GALNT16: variants seen among roughly 807,000 people sequenced by gnomAD.
GALNT16 encodes polypeptide N-acetylgalactosaminyltransferase 16.
A neutral mutation model predicts 76.1 loss-of-function variants in GALNT16; 40 were observed. The ratio of observed to expected loss-of-function variants is 0.53; its 90% CI spans 0.41 to 0.68. The LOEUF is 0.68. GALNT16 is among the 30% of genes least tolerant of loss of function. The pLI is 0.00. For missense variants in GALNT16, 621 were observed against 731.9 expected, an observed-to-expected ratio of 0.85 and a Z score of 1.75; for synonymous variants, 276 against 285.2, an observed-to-expected ratio of 0.97 and a Z score of 0.32.
downstream of GALNT16, chr14:69,358,655 C>G (rs1334840251): frequency 1.3e-5 from 2 of 152,540 alleles, no homozygotes; most frequent in African/African-American, 4.8e-5. Context: ...GCTTAGAGCT[C>G]CGGGGGGTTC....
chr14:69,313,582 T>C (rs1445557370), intron 1 of GALNT16, among the ~76,000 whole-genome samples: 1 of 99,604 alleles, frequency 1.0e-5, no homozygotes, highest in Non-Finnish European at 2.8e-5. Context: ...ACAGGAACTC[T>C]TTCTCAGTGA....
intron 1 of GALNT16, among the ~76,000 whole-genome samples, chr14:69,266,830 G>C (rs1005420533): frequency 6.6e-6 from 1 of 152,210 alleles, no homozygotes; most frequent in Non-Finnish European, 1.5e-5. Flanking sequence ...ACAGGGTAAC[G>C]ACCAGAAATC....
chr14:69,259,747 G>T (rs936010085), upstream of GALNT16: 8 of 153,630 alleles, frequency 5.2e-5, no homozygotes, highest in African/African-American at 1.7e-4. Flanking sequence ...GCGGGCCCAG[G>T]TCGGGGGTCG....
intron 5 of GALNT16, among the ~76,000 whole-genome samples, chr14:69,326,776 C>T (rs1444593251): frequency 6.6e-6 from 1 of 152,206 alleles, no homozygotes; most frequent in Non-Finnish European, 1.5e-5. Context: ...ACTTTCAGTC[C>T]TTGTACTCAG....
chr14:69,285,022 T>C (rs2044591514), intron 1 of GALNT16, among the ~76,000 whole-genome samples: 1 of 149,410 alleles, frequency 6.7e-6, no homozygotes, highest in Admixed American at 6.8e-5. Flanking sequence ...CTTTATATGT[T>C]ACCCAGTCTC....
the GALNT16 span, among the ~76,000 whole-genome samples, chr14:69,367,138 A>G: frequency 6.6e-6 from 1 of 152,020 alleles, no homozygotes; most frequent in Non-Finnish European, 1.5e-5. Context: ...GGGAACAGGG[A>G]GGCGGATTTT....
chr14:69,294,615 C>A (rs1442020103), intron 1 of GALNT16, among the ~76,000 whole-genome samples: 2 of 152,158 alleles, frequency 1.3e-5, no homozygotes, highest in African/African-American at 4.8e-5. Flanking sequence ...CCCTTCCCAC[C>A]CCCAGCCCTA....
chr14:69,296,996 A>G (rs118036475), intron 1 of GALNT16, among the ~76,000 whole-genome samples: 2,693 of 152,248 alleles, frequency 0.018, 34 homozygotes, highest in Non-Finnish European at 0.031. Flanking sequence ...ACAGCTACAT[A>G]TTATTTCGTT....
chr14:69,290,753 A>C (rs1450008321), intron 1 of GALNT16, among the ~76,000 whole-genome samples: 1 of 152,216 alleles, frequency 6.6e-6, no homozygotes, highest in East Asian at 1.9e-4. Flanking sequence ...GAAAATTACC[A>C]GCCCTCGAAA....
the GALNT16 span, among the ~76,000 whole-genome samples, chr14:69,372,276 C>T: frequency 6.6e-6 from 1 of 152,032 alleles, no homozygotes; most frequent in African/African-American, 2.4e-5. Flanking sequence ...CTGAGTGATC[C>T]ATCCACAGGC....
intron 1 of GALNT16, among the ~76,000 whole-genome samples, chr14:69,279,812 T>C (rs1386401875): frequency 6.6e-6 from 1 of 152,216 alleles, no homozygotes; most frequent in Non-Finnish European, 1.5e-5. Context: ...TCTCATGGGA[T>C]TGTAGCCTGA....
chr14:69,328,343 A>C, intron 5 of GALNT16, 107 bp from the exon 6 acceptor site: 1 of 1,145,810 alleles, frequency 8.7e-7, no homozygotes, highest in South Asian at 1.5e-5. Flanking sequence ...ACAATAACTC[A>C]GGAAGCCTCA....
Position 69,325,412 on chromosome 14 carries a change from G to GTC in GALNT16, c.502+9_502+10dup. On this transcript the variant is annotated intron_variant, in intron 4 of 14. Transcript: ENST00000448469. ...ATGACTTCAGCTCAGATCGTGAGTA[G>GTC]TCACCTTCCTTTTTGCAGCCCTCCA... The GTC allele has an allele frequency of 6.5e-7, 1 of 1,535,726 alleles. No individual in the cohort carries two copies.
chr14:69,386,106 G>T, the GALNT16 span, among the ~76,000 whole-genome samples: 1 of 152,190 alleles, frequency 6.6e-6, no homozygotes, highest in East Asian at 1.9e-4. Flanking sequence ...TGATCAAAGT[G>T]AAATGGCTAC....
chr14:69,313,961 C>T (rs12432470), intron 1 of GALNT16, among the ~76,000 whole-genome samples: 22,983 of 152,192 alleles, frequency 0.15, 2,594 homozygotes, highest in East Asian at 0.43. Context: ...AGCCCCTCAC[C>T]ATCATGAGTT....
intron 1 of GALNT16, among the ~76,000 whole-genome samples, chr14:69,270,966 C>G (rs889153429): frequency 4.6e-5 from 7 of 150,618 alleles, no homozygotes; most frequent in African/African-American, 7.4e-5. Flanking sequence ...GAAGGAGAAC[C>G]AAAGGTCAGG....
At chr14:69,380,511 C>G in the GALNT16 span, 1 of 1,189,672 alleles carries the variant, frequency 8.4e-7, no homozygotes, top group South Asian at 1.2e-5. Flanking sequence ...CAAGCCCACC[C>G]CAACCCCCCC....
rs374661063 is a variant in GALNT16 at position 69,280,458 on chromosome 14, G to A, written c.177+19991G>A. ...CCATTCATCCATCAGTGAACCTCCC[G>A]GGCTGCTTCGACATTTTGGCTAATG... On this transcript the variant is annotated intron_variant, in intron 1 of 14. Transcript: ENST00000448469. Among the ~76,000 whole-genome samples the A allele has an allele frequency of 4.1e-4, 63 of 152,156 alleles. 2 individuals are homozygous for A. In the South Asian group the frequency reaches 0.011, roughly 26 times the overall value.
intron 1 of GALNT16, among the ~76,000 whole-genome samples, chr14:69,294,161 A>T (rs1470899081): frequency 1.3e-5 from 2 of 150,240 alleles, no homozygotes; most frequent in African/African-American, 4.9e-5. Flanking sequence ...TCGCTCTGTC[A>T]CCCAGGCTGG....
Sources: allele counts gnomAD v4.1 joint callset (sites outside exome capture counted in the v4.1 genomes callset), GRCh38; gene constraint gnomAD v4.1.1; transcripts MANE v1.5; gene names NCBI Gene and HGNC (gene_info 2026-07-23, HGNC 2026-07-21).